Variants in KAZN observed in about 807,000 individuals in gnomAD.
The protein encoded by KAZN is kazrin.
A neutral mutation model predicts 87.4 loss-of-function variants in KAZN; 40 were observed. The observed-to-expected ratio is 0.46, with a 90% CI of 0.36 to 0.60. KAZN has a LOEUF of 0.60. KAZN is among the 20% of genes least tolerant of loss of function. The pLI, the probability that KAZN is intolerant of heterozygous loss-of-function variation, is 0.00. For missense variants in KAZN, 898 were observed against 1,073.9 expected, an observed-to-expected ratio of 0.84 and a Z score of 2.29; for synonymous variants, 466 against 458.3, an observed-to-expected ratio of 1.02 and a Z score of -0.22.
intron 2 of KAZN, among the ~76,000 whole-genome samples, chr1:14,466,845 T>C (rs1024867253): frequency 2.6e-5 from 4 of 152,018 alleles, no homozygotes; most frequent in East Asian, 3.9e-4. Flanking sequence ...GGCGGGCGCC[T>C]GTGGTCCCAG....
At chr1:14,797,818 T>C (rs964434927) in intron 1 of KAZN, among the ~76,000 whole-genome samples, 2 of 152,156 alleles carry the variant, frequency 1.3e-5, no homozygotes, top group African/African-American at 4.8e-5. Flanking sequence ...TTTCATTGAG[T>C]AGCCGTGAGG....
intron 2 of KAZN, among the ~76,000 whole-genome samples, chr1:14,320,981 TTATC>T (rs1462746812): frequency 1.3e-5 from 2 of 152,212 alleles, no homozygotes; most frequent in Non-Finnish European, 2.9e-5. Context: ...GTTTTTGTTT[TTATC>T]TATTTATTTT....
At chr1:14,092,586 T>C (rs904011745) in intron 1 of KAZN, among the ~76,000 whole-genome samples, 33 of 125,152 alleles carry the variant, frequency 2.6e-4, no homozygotes, top group Non-Finnish European at 5.7e-4. Context: ...TATGTACATA[T>C]ATGTACATAT....
At chr1:14,985,444 G>C (rs1430864115) in intron 2 of KAZN, among the ~76,000 whole-genome samples, 1 of 148,762 alleles carries the variant, frequency 6.7e-6, no homozygotes. Context: ...GCAGGAGGAT[G>C]GCTTAAGCCC....
chr1:14,119,950 C>T (rs557120447), intron 1 of KAZN, among the ~76,000 whole-genome samples: 36 of 86,504 alleles, frequency 4.2e-4, no homozygotes, highest in South Asian at 6.9e-4. Context: ...AGTAGGATGC[C>T]CATTTCAGAT....
rs118063311 is a variant in KAZN, at chr1:14,712,966, A to C, written c.226+113743A>C. Among the ~76,000 whole-genome samples, 602 of 152,282 alleles carry C rather than the reference A, an allele frequency of 4.0e-3. 17 individuals carry two copies. In the East Asian group the frequency reaches 0.054, roughly 14 times the overall value. Reference sequence around the variant, plus strand: ...CATTCCCTATAGATGCTCATGTATCAGTTGTTTTTTAATGCCGCACTGCTG... The same window carrying C: ...CATTCCCTATAGATGCTCATGTATCCGTTGTTTTTTAATGCCGCACTGCTG... On this transcript the variant is annotated intron_variant, in intron 1 of 14. Transcript: ENST00000376030.
At chr1:14,684,017 C>T (rs1285031938) in intron 1 of KAZN, among the ~76,000 whole-genome samples, 1 of 152,146 alleles carries the variant, frequency 6.6e-6, no homozygotes, top group Admixed American at 6.5e-5. Flanking sequence ...TTGTCTATCC[C>T]ACTTTATTCT....
chr1:14,401,332 A>G (rs978933525), intron 2 of KAZN, among the ~76,000 whole-genome samples: 3 of 151,950 alleles, frequency 2.0e-5, no homozygotes, highest in African/African-American at 7.3e-5. Context: ...GAAGCACAAA[A>G]GAGAGAAGAC....
At chr1:14,975,858 C>T (rs1665542425) in intron 2 of KAZN, among the ~76,000 whole-genome samples, 1 of 152,052 alleles carries the variant, frequency 6.6e-6, no homozygotes, top group East Asian at 1.9e-4. Flanking sequence ...GGTGAAACCC[C>T]GTCTCTACTA....
Position 14,985,282 on chromosome 1 carries a change from CAAGGTGGGAGGCCAAGGTGGGAG to C in KAZN, c.418+24410_418+24432del, listed in dbSNP as rs375805929. On this transcript the variant is annotated intron_variant, in intron 2 of 14. Transcript: ENST00000376030. Reference sequence around the variant, plus strand: ...AAGGTGGGAGGCCAAGGTGGGAGGCCAAGGTGGGAGGCCAAGGTGGGAGAATCACATGAGCTGAGGAGTTTGAG... The same window carrying C: ...AAGGTGGGAGGCCAAGGTGGGAGGCCAATCACATGAGCTGAGGAGTTTGAG... Among the ~76,000 whole-genome samples the C allele has an allele frequency of 3.1e-3, 458 of 146,154 alleles. 2 individuals carry two copies. Among genetic ancestry groups the C allele is most frequent in the African/African-American group, 0.011 (416 of 38,510 alleles).
intron 2 of KAZN, among the ~76,000 whole-genome samples, chr1:14,445,802 GT>G (rs1165516153): frequency 6.6e-6 from 1 of 152,150 alleles, no homozygotes; most frequent in Non-Finnish European, 1.5e-5. Flanking sequence ...GGGAGCCGGG[GT>G]ATTCACCTTC....
At chr1:14,854,269 C>A (rs1329907428) in intron 1 of KAZN, among the ~76,000 whole-genome samples, 1 of 152,184 alleles carries the variant, frequency 6.6e-6, no homozygotes, top group Admixed American at 6.5e-5. Flanking sequence ...TACCATAGTG[C>A]CTAAGACAGA....
intron 1 of KAZN, among the ~76,000 whole-genome samples, chr1:14,130,702 A>C (rs1015904728): frequency 6.6e-6 from 1 of 152,106 alleles, no homozygotes; most frequent in African/African-American, 2.4e-5. Flanking sequence ...ATTCCTCCTC[A>C]GTGAGAATGT....
intron 2 of KAZN, among the ~76,000 whole-genome samples, chr1:15,030,682 G>A (rs563877487): frequency 6.6e-6 from 1 of 152,320 alleles, no homozygotes; most frequent in South Asian, 2.1e-4. Flanking sequence ...CACTGCCTGA[G>A]GCCTGCAGGG....
chr1:14,344,475 G>T (rs1364170666), intron 2 of KAZN, among the ~76,000 whole-genome samples: 1 of 151,910 alleles, frequency 6.6e-6, no homozygotes, highest in Admixed American at 6.6e-5. Flanking sequence ...TGATAGATTT[G>T]GTCAAACAGT....
intron 2 of KAZN, among the ~76,000 whole-genome samples, chr1:14,389,138 AAACTAC>A (rs1385286893): frequency 1.3e-5 from 2 of 152,226 alleles, no homozygotes; most frequent in African/African-American, 4.8e-5. Context: ...ATGCAAATCA[AAACTAC>A]AATGAGGTAT....
intron 2 of KAZN, among the ~76,000 whole-genome samples, chr1:14,979,111 C>T (rs1665972161): frequency 6.6e-6 from 1 of 151,864 alleles, no homozygotes; most frequent in Admixed American, 6.5e-5. Context: ...ACCATGTCGG[C>T]CAGGCTGGTC....
chr1:13,975,277 G>A (rs1187557197), intron 1 of KAZN, among the ~76,000 whole-genome samples: 1 of 152,204 alleles, frequency 6.6e-6, no homozygotes, highest in African/African-American at 2.4e-5. Flanking sequence ...GCCTTTGATT[G>A]TGAGGCACTT....
intron 2 of KAZN, among the ~76,000 whole-genome samples, chr1:15,010,280 G>C (rs567070968): frequency 2.6e-5 from 4 of 151,980 alleles, no homozygotes; most frequent in African/African-American, 7.2e-5. Flanking sequence ...TCATCTAAAG[G>C]CTTGATCAGA....
Sources: gnomAD v4.1 joint callset for allele counts (sites outside exome capture counted in the v4.1 genomes callset) on GRCh38, gnomAD v4.1.1 for gene constraint, MANE v1.5 for transcripts, NCBI Gene and HGNC (gene_info 2026-07-23, HGNC 2026-07-21) for gene names.